The following SDK1 variants were observed in gnomAD, a reference collection of about 807,000 sequenced individuals.
The protein encoded by SDK1 is protein sidekick-1.
SDK1 carries 157 observed loss-of-function variants against 245.5 expected under a neutral mutation model. That is an observed-to-expected ratio of 0.64 (90% CI 0.56 to 0.73). The LOEUF (loss-of-function observed/expected upper bound fraction) is 0.73, where lower values mean the gene tolerates loss of function less well. Ranked by LOEUF, SDK1 falls within the 30% of genes least tolerant of loss-of-function variation. The pLI is 0.00. For synonymous variants in SDK1, 1,647 were observed against 1,278.5 expected, an observed-to-expected ratio of 1.29 and a Z score of -6.15; for missense variants, 3,583 against 3,002.3, an observed-to-expected ratio of 1.19 and a Z score of -4.52.
At chr7:4,264,323 G>A (rs1440864118) in intron 44 of SDK1, among the ~76,000 whole-genome samples, 1 of 148,702 alleles carries the variant, frequency 6.7e-6, no homozygotes, top group Non-Finnish European at 1.5e-5. Flanking sequence ...CCTGAGTGAG[G>A]GAGGCCGCGT....
intron 4 of SDK1, among the ~76,000 whole-genome samples, chr7:3,742,848 A>G (rs917952179): frequency 6.6e-6 from 1 of 152,214 alleles, no homozygotes; most frequent in African/African-American, 2.4e-5. Flanking sequence ...TGGATCGGTT[A>G]TTGGAAAAGA....
chr7:4,234,724 G>T (rs1039590676), intron 41 of SDK1, among the ~76,000 whole-genome samples: 8 of 152,198 alleles, frequency 5.3e-5, no homozygotes, highest in African/African-American at 1.9e-4. Context: ...GACTTCCGTG[G>T]CTCCAGGCGT....
intron 4 of SDK1, among the ~76,000 whole-genome samples, chr7:3,703,346 GA>G (rs1452081968): frequency 3.3e-5 from 5 of 152,056 alleles, no homozygotes; most frequent in Non-Finnish European, 2.9e-5. Flanking sequence ...GAATTACACT[GA>G]AAAAAAGCCT....
intron 4 of SDK1, among the ~76,000 whole-genome samples, chr7:3,747,574 T>C (rs1583369823): frequency 6.6e-6 from 1 of 152,138 alleles, no homozygotes; most frequent in African/African-American, 2.4e-5. Context: ...AGAGTAGTGA[T>C]GAAAACAGGA....
At chr7:3,520,021 A>AT (rs1246440210) in intron 1 of SDK1, among the ~76,000 whole-genome samples, 1 of 152,232 alleles carries the variant, frequency 6.6e-6, no homozygotes, top group Non-Finnish European at 1.5e-5. Flanking sequence ...CATTGAGCAC[A>AT]TTCTGCATTT....
chr7:4,126,730 G>C (rs1221814840), intron 25 of SDK1, among the ~76,000 whole-genome samples: 1 of 152,218 alleles, frequency 6.6e-6, no homozygotes, highest in African/African-American at 2.4e-5. Flanking sequence ...ACATGTGTAT[G>C]GGTCGAGAAT....
intron 37 of SDK1, among the ~76,000 whole-genome samples, chr7:4,208,675 G>T (rs937026911): frequency 1.3e-5 from 2 of 152,188 alleles, no homozygotes; most frequent in African/African-American, 2.4e-5. Flanking sequence ...CAGATCCTTG[G>T]GGGTAGGCTC....
intron 44 of SDK1, among the ~76,000 whole-genome samples, chr7:4,249,225 CTG>C (rs1787132840): frequency 6.6e-6 from 1 of 152,192 alleles, no homozygotes. Flanking sequence ...AAAGCCGAGA[CTG>C]AGAGTTTTTG....
At chr7:4,193,264 A>G (rs1783332352) in intron 35 of SDK1, among the ~76,000 whole-genome samples, 1 of 135,646 alleles carries the variant, frequency 7.4e-6, no homozygotes, top group Admixed American at 7.9e-5. Flanking sequence ...AATTAATTGT[A>G]TTAATTACAT....
At chr7:3,739,743 A>G (rs1048648466) in intron 4 of SDK1, among the ~76,000 whole-genome samples, 7 of 152,118 alleles carry the variant, frequency 4.6e-5, no homozygotes, top group African/African-American at 1.4e-4. Flanking sequence ...TTTTTTCTGT[A>G]AAGTCTAGCA....
intron 5 of SDK1, among the ~76,000 whole-genome samples, chr7:3,864,054 C>T (rs538432192): frequency 9.7e-4 from 148 of 152,308 alleles, no homozygotes; most frequent in African/African-American, 3.2e-3. Context: ...ATCCACAGTG[C>T]ACACAGGTTC....
At chr7:3,415,245 A>T (rs1183448120) in intron 1 of SDK1, among the ~76,000 whole-genome samples, 1 of 152,222 alleles carries the variant, frequency 6.6e-6, no homozygotes, top group Non-Finnish European at 1.5e-5. Context: ...AAAAATATTT[A>T]AAATGAGGTT....
intron 1 of SDK1, among the ~76,000 whole-genome samples, chr7:3,516,649 A>G (rs1782761125): frequency 6.6e-6 from 1 of 152,184 alleles, no homozygotes; most frequent in Admixed American, 6.6e-5. Context: ...AGCATACATT[A>G]ATTAGGTTGT....
intron 1 of SDK1, among the ~76,000 whole-genome samples, chr7:3,505,147 T>A (rs1782352843): frequency 1.3e-5 from 2 of 152,222 alleles, no homozygotes; most frequent in South Asian, 4.1e-4. Context: ...TTTTTCATAA[T>A]CTCTTTTAGG....
chr7:4,018,918 T>C (rs1302517768), intron 17 of SDK1, among the ~76,000 whole-genome samples: 2 of 152,262 alleles, frequency 1.3e-5, no homozygotes, highest in East Asian at 1.9e-4. Flanking sequence ...TTGATGAGTG[T>C]CCTCTAGCTC....
At chr7:3,676,572 A>G (rs559135873) in intron 4 of SDK1, among the ~76,000 whole-genome samples, 5 of 151,602 alleles carry the variant, frequency 3.3e-5, no homozygotes, top group East Asian at 3.9e-4. Context: ...TGATCTGCCC[A>G]CCTTGGCCTC....
intron 2 of SDK1, among the ~76,000 whole-genome samples, chr7:3,620,893 G>A (rs77993814): frequency 1.2e-3 from 149 of 123,332 alleles, no homozygotes; most frequent in African/African-American, 4.3e-3. Flanking sequence ...TACCCTGTTG[G>A]AGGATCTACA....
At chr7:3,688,122 C>T (rs1416770227) in intron 4 of SDK1, among the ~76,000 whole-genome samples, 2 of 152,232 alleles carry the variant, frequency 1.3e-5, no homozygotes, top group Admixed American at 1.3e-4. Context: ...AGTAATGATA[C>T]AGCTACTTCC....
intron 1 of SDK1, among the ~76,000 whole-genome samples, chr7:3,563,298 T>G (rs1218955029): frequency 6.6e-6 from 1 of 152,208 alleles, no homozygotes; most frequent in Non-Finnish European, 1.5e-5. Flanking sequence ...CGTATATTCC[T>G]GGATTATCCA....
Sources: gnomAD v4.1 joint callset for allele counts (sites outside exome capture counted in the v4.1 genomes callset) on GRCh38, gnomAD v4.1.1 for gene constraint, MANE v1.5 for transcripts, NCBI Gene and HGNC (gene_info 2026-07-23, HGNC 2026-07-21) for gene names.